SAMMSON: variants seen among roughly 807,000 people sequenced by gnomAD.
The protein encoded by SAMMSON is long intergenic non-protein coding RNA 1212.
intron 3 of SAMMSON, among the ~76,000 whole-genome samples, chr3:70,047,380 A>G (rs2067130998): frequency 6.7e-6 from 1 of 148,528 alleles, no homozygotes; most frequent in African/African-American, 2.5e-5. Flanking sequence ...CCAGGCTCCC[A>G]GGCTGGAGTA....
chr3:70,277,234 G>A (rs555973368), intron 6 of SAMMSON, among the ~76,000 whole-genome samples: 1 of 152,186 alleles, frequency 6.6e-6, no homozygotes, highest in African/African-American at 2.4e-5. Flanking sequence ...AATACAATAC[G>A]AAAAAGGCTG....
chr3:70,136,147 C>T (rs957708319), intron 4 of SAMMSON, among the ~76,000 whole-genome samples: 8 of 152,112 alleles, frequency 5.3e-5, no homozygotes, highest in South Asian at 2.1e-4. Flanking sequence ...GTCTGGGGAA[C>T]GTGTGTAGTT....
intron 4 of SAMMSON, among the ~76,000 whole-genome samples, chr3:70,200,949 C>G (rs1472562233): frequency 7.0e-6 from 1 of 142,630 alleles, no homozygotes; most frequent in Admixed American, 7.0e-5. Flanking sequence ...ATCTACAGCC[C>G]TCTATACTTT....
At chr3:70,176,232 T>C (rs1701007520) in intron 4 of SAMMSON, among the ~76,000 whole-genome samples, 1 of 152,112 alleles carries the variant, frequency 6.6e-6, no homozygotes, top group Non-Finnish European at 1.5e-5. Flanking sequence ...ACTCAATTTA[T>C]TTGTAGTTCA....
intron 4 of SAMMSON, among the ~76,000 whole-genome samples, chr3:70,240,291 A>G (rs552246638): frequency 9.2e-5 from 14 of 151,796 alleles, no homozygotes; most frequent in East Asian, 5.8e-4. Flanking sequence ...CATCTTGGGG[A>G]AAAAAAACAG....
intron 6 of SAMMSON, among the ~76,000 whole-genome samples, chr3:70,273,958 G>T (rs1030564171): frequency 6.6e-6 from 1 of 151,806 alleles, no homozygotes; most frequent in Non-Finnish European, 1.5e-5. Context: ...CACTGCACCC[G>T]GCCCAGAATT....
intron 1 of SAMMSON, among the ~76,000 whole-genome samples, chr3:70,004,957 A>G (rs976362611): frequency 5.3e-5 from 8 of 152,162 alleles, no homozygotes; most frequent in African/African-American, 1.9e-4. Flanking sequence ...TGGAAGCCCA[A>G]AGGGGGAACT....
At chr3:70,247,036 G>A (rs1701713975) in intron 4 of SAMMSON, among the ~76,000 whole-genome samples, 2 of 151,912 alleles carry the variant, frequency 1.3e-5, no homozygotes, top group South Asian at 4.2e-4. Flanking sequence ...TGACTACCAC[G>A]AAGGATAGTT....
At chr3:70,305,131 A>G (rs986970677) in intron 7 of SAMMSON, among the ~76,000 whole-genome samples, 1 of 152,166 alleles carries the variant, frequency 6.6e-6, no homozygotes, top group African/African-American at 2.4e-5. Flanking sequence ...TCTTGTTTCA[A>G]AGCTTCGAAA....
rs1208323683 is a variant in SAMMSON at position 70,124,814 on chromosome 3, CAAAAAAAAA to C, written n.507+53266_507+53274del. ...CAGGCAACAGAGCGAGACTCCATCT[CAAAAAAAAA>C]AAAAAAAAAAAAAAAAGAAAGAAAG... On this transcript the variant is annotated intron_variant and non_coding_transcript_variant, in intron 4 of 9. Transcript: ENST00000642114. Among the ~76,000 whole-genome samples, 23 of 53,702 alleles carry C rather than the reference CAAAAAAAAA, an allele frequency of 4.3e-4. No individual in the cohort carries two copies. In the East Asian group the frequency reaches 7.6e-3, roughly 18 times the overall value. The allele number at this position is 53,702 out of a possible 152,430, so 35.2% of individuals were successfully genotyped here. A position where few individuals can be genotyped will look rare whatever the true frequency, so the allele number is the denominator to read the frequency against.
chr3:70,315,013 T>C (rs1702485755), intron 7 of SAMMSON, among the ~76,000 whole-genome samples: 1 of 152,186 alleles, frequency 6.6e-6, no homozygotes, highest in South Asian at 2.1e-4. Flanking sequence ...TGATTACAGT[T>C]ATCCTTTGAT....
rs770689062 is a variant in SAMMSON at position 70,274,090 on chromosome 3, T to TGTGTGTGCGC, written n.675-17088_675-17087insTGTGTGCGCG. On this transcript the variant is annotated intron_variant and non_coding_transcript_variant, in intron 6 of 9. Transcript: ENST00000642114. ...GTGTGTGTGTGTGTGTGTGTGTGTG[T>TGTGTGTGCGC]GCGCGCGCGCATGTGTGTGTGTGAG... Among the ~76,000 whole-genome samples the TGTGTGTGCGC allele has an allele frequency of 3.4e-5, 5 of 145,062 alleles. No homozygotes were observed. In the South Asian group the frequency reaches 6.5e-4, roughly 19 times the overall value.
intron 1 of SAMMSON, among the ~76,000 whole-genome samples, chr3:70,008,374 C>T (rs926006052): frequency 7.9e-5 from 12 of 152,020 alleles, no homozygotes; most frequent in Admixed American, 2.0e-4. Flanking sequence ...CCCTTGTAAG[C>T]TGGATTCCTA....
intron 1 of SAMMSON, among the ~76,000 whole-genome samples, chr3:70,011,528 G>A (rs2066955599): frequency 6.6e-6 from 1 of 151,728 alleles, no homozygotes; most frequent in East Asian, 1.9e-4. Context: ...TGACCCCTGA[G>A]TGCTTTCATT....
intron 4 of SAMMSON, chr3:70,206,788 T>G (rs181864213): frequency 4.3e-4 from 171 of 397,584 alleles, no homozygotes; most frequent in Non-Finnish European, 6.1e-4. Context: ...GTGAGTTGCG[T>G]ATCTAGAGGA....
At chr3:70,391,036 G>A (rs1701043212), downstream of SAMMSON, among the ~76,000 whole-genome samples, 1 of 152,070 alleles carries the variant, frequency 6.6e-6, no homozygotes, top group Non-Finnish European at 1.5e-5. Flanking sequence ...ATTTCATCAT[G>A]GCCAGACCAT....
At chr3:70,307,379 C>G (rs1702412501) in intron 7 of SAMMSON, among the ~76,000 whole-genome samples, 1 of 152,090 alleles carries the variant, frequency 6.6e-6, no homozygotes, top group Non-Finnish European at 1.5e-5. Flanking sequence ...TTAAGGGCTT[C>G]CATCCCTTCA....
intron 2 of SAMMSON, among the ~76,000 whole-genome samples, chr3:70,404,885 G>A (rs1217407724): frequency 6.6e-6 from 1 of 152,108 alleles, no homozygotes; most frequent in African/African-American, 2.4e-5. Flanking sequence ...GAATAATGGA[G>A]AGAATGGAAC....
chr3:70,236,886 T>C (rs1458571381), intron 4 of SAMMSON, among the ~76,000 whole-genome samples: 1 of 152,224 alleles, frequency 6.6e-6, no homozygotes, highest in East Asian at 1.9e-4. Flanking sequence ...TAACAGCCAC[T>C]GCGCCTAGCA....
Sources: allele counts gnomAD v4.1 joint callset (sites outside exome capture counted in the v4.1 genomes callset), GRCh38; gene constraint gnomAD v4.1.1; transcripts MANE v1.5; gene names NCBI Gene and HGNC (gene_info 2026-07-23, HGNC 2026-07-21).